ATP10B: variants seen among roughly 807,000 people sequenced by gnomAD.
ATP10B encodes the protein phospholipid-transporting ATPase VB.
Under a neutral mutation model 141.2 loss-of-function variants are expected in ATP10B, and 122 were observed. The ratio of observed to expected loss-of-function variants is 0.86; its 90% CI spans 0.75 to 1.00. The LOEUF (loss-of-function observed/expected upper bound fraction) is 1.00, where lower values mean the gene tolerates loss of function less well. ATP10B is among the 50% of genes least tolerant of loss of function. The probability of loss-of-function intolerance (pLI) is 0.00; values close to 1 mark genes in which losing one functional copy is unlikely to be tolerated. For synonymous variants in ATP10B, 685 were observed against 692.0 expected, an observed-to-expected ratio of 0.99 and a Z score of 0.16; for missense variants, 1,876 against 1,825.3, an observed-to-expected ratio of 1.03 and a Z score of -0.51.
At chr5:160,686,348 T>G in intron 5 of ATP10B, 75 bp from the exon 6 acceptor site, 1 of 1,175,966 alleles carries the variant, frequency 8.5e-7, no homozygotes, top group Admixed American at 3.1e-5. Flanking sequence ...TCTTCCCTAC[T>G]GTTTGGCCTT....
chr5:160,826,261 T>C (rs1396126663), intron 1 of ATP10B, among the ~76,000 whole-genome samples: 1 of 152,168 alleles, frequency 6.6e-6, no homozygotes, highest in Admixed American at 6.5e-5. Context: ...TGAACTAATT[T>C]ACCTTCCCAC....
intron 2 of ATP10B, among the ~76,000 whole-genome samples, chr5:160,726,569 C>T (rs962509015): frequency 6.8e-6 from 1 of 147,078 alleles, no homozygotes; most frequent in Non-Finnish European, 1.5e-5. Flanking sequence ...TTTCCTTATT[C>T]ACAGCACACT....
Position 160,814,925 on chromosome 5 carries a change from AAG to A in ATP10B, c.-575-29124_-575-29123del, listed in dbSNP as rs1262708569. 1.6e-4 allele frequency among the ~76,000 whole-genome samples: 24 copies of A among 152,218 alleles called. 1 individual carries two copies. The highest frequency in any genetic ancestry group is 3.1e-4 in the Non-Finnish European group (21 of 68,038). The stretch of plus-strand genomic sequence containing the variant: ...AGGAGAAATAAAATCCTTTACAGAG[AAG>A]CAAATGCTGAGAGATTTTGTCACCG... On this transcript the variant is annotated intron_variant, in intron 1 of 25. Coordinates refer to ENST00000327245, the MANE Select transcript of ATP10B (RefSeq NM_025153.3).
At chr5:160,715,390 G>T (rs1013250109) in intron 3 of ATP10B, among the ~76,000 whole-genome samples, 1 of 142,602 alleles carries the variant, frequency 7.0e-6, no homozygotes, top group African/African-American at 2.6e-5. Context: ...AGGTGCGTCC[G>T]TCACCCCTTT....
the ATP10B span, among the ~76,000 whole-genome samples, chr5:160,911,634 G>A: frequency 3.0e-4 from 46 of 152,274 alleles, no homozygotes; most frequent in Non-Finnish European, 5.3e-4. Flanking sequence ...GATAGCCTGT[G>A]AAATTAAATA....
At chr5:160,892,663 T>A in the ATP10B span, among the ~76,000 whole-genome samples, 1 of 152,176 alleles carries the variant, frequency 6.6e-6, no homozygotes, top group Non-Finnish European at 1.5e-5. Flanking sequence ...TTGTCTTCCA[T>A]CCCTGGTATC....
At chr5:160,877,129 T>C in the ATP10B span, among the ~76,000 whole-genome samples, 1 of 151,972 alleles carries the variant, frequency 6.6e-6, no homozygotes, top group Admixed American at 6.6e-5. Context: ...GATGCAAAAA[T>C]CCTCAATAAA....
rs2127591468 is a variant in ATP10B at position 160,565,822 on chromosome 5, T to C, written c.4017A>G (p.Pro1339=). Residue 1339 remains proline, a synonymous_variant, in exon 26 of 26, where the codon CCA becomes CCG. Coordinates refer to ENST00000327245, the MANE Select transcript of ATP10B (RefSeq NM_025153.3). ...TCTGGATTTCCAGGTTTCTTTTGTC[T>C]GGGGGGAGTTTGTCAATTTTCTGAG... The part of the protein sequence containing the change: ...SKAQKIDKLP[P]DKRNLEIQSW... The C allele has an allele frequency of 6.2e-7, 1 of 1,614,036 alleles. No individual in the cohort carries two copies. The highest frequency in any genetic ancestry group is 8.5e-7 in the Non-Finnish European group (1 of 1,179,952).
chr5:160,735,059 A>G (rs911884190), intron 2 of ATP10B, among the ~76,000 whole-genome samples: 2 of 151,764 alleles, frequency 1.3e-5, no homozygotes. Context: ...TCTTTACTAA[A>G]GGAAGACAGG....
intron 12 of ATP10B, chr5:160,633,841 G>A (rs1391261572): frequency 3.7e-6 from 1 of 273,156 alleles, no homozygotes; most frequent in Admixed American, 5.0e-5. Context: ...CAAGGTAACA[G>A]TCCAGGCATT....
At chr5:160,762,857 AG>A (rs1443630296) in intron 2 of ATP10B, among the ~76,000 whole-genome samples, 1 of 152,314 alleles carries the variant, frequency 6.6e-6, no homozygotes, top group African/African-American at 2.4e-5. Flanking sequence ...CTTAAGATAA[AG>A]GGATGGAAAA....
chr5:160,658,301 C>T (rs117952451), intron 7 of ATP10B, among the ~76,000 whole-genome samples: 2,027 of 152,242 alleles, frequency 0.013, 29 homozygotes, highest in African/African-American at 0.025. Flanking sequence ...TGTGGGACAC[C>T]GGTCAGAGTG....
At position 160,757,627 on chromosome 5, in the gene ATP10B, C is replaced by T. The variant is rs184884482; in HGVS notation, c.-331+27932G>A. 1.2e-4 allele frequency among the ~76,000 whole-genome samples: 19 copies of T among 152,060 alleles called. No homozygotes were observed. The East Asian group carries it at 3.7e-3, about 29-fold the overall frequency. On this transcript the variant is annotated intron_variant, in intron 2 of 25. Transcript: ENST00000327245. ...GGGTAGTTCACTTAGTCTTCTGAGCCTTTTTTTAAAATGGAATTTTAAACA... is the reference window on the plus strand; with the variant it reads ...GGGTAGTTCACTTAGTCTTCTGAGCTTTTTTTTAAAATGGAATTTTAAACA...
chr5:160,572,535 G>C (rs1754939210), intron 24 of ATP10B, among the ~76,000 whole-genome samples: 1 of 152,132 alleles, frequency 6.6e-6, no homozygotes, highest in Non-Finnish European at 1.5e-5. Flanking sequence ...TGCTAAAAGA[G>C]TACTTTTTCT....
chr5:160,733,440 T>A (rs1311235618), intron 2 of ATP10B, among the ~76,000 whole-genome samples: 3 of 151,890 alleles, frequency 2.0e-5, no homozygotes, highest in Non-Finnish European at 4.4e-5. Context: ...AGATACAAAT[T>A]ACAGATTCAA....
chr5:160,640,423 G>T (rs1374698835), intron 10 of ATP10B, 38 bp downstream of exon 10: 1 of 1,594,770 alleles, frequency 6.3e-7, no homozygotes, highest in Admixed American at 1.7e-5. Context: ...CAAATAAATC[G>T]ATTACTGTGT....
chr5:160,811,453 T>C (rs990880128), intron 1 of ATP10B, among the ~76,000 whole-genome samples: 1 of 151,992 alleles, frequency 6.6e-6, no homozygotes, highest in African/African-American at 2.4e-5. Context: ...GCCCAGTACT[T>C]GGAAGGGTGA....
At chr5:160,862,910 G>A in the ATP10B span, among the ~76,000 whole-genome samples, 892 of 151,978 alleles carry the variant, frequency 5.9e-3, 11 homozygotes, top group African/African-American at 0.02. Context: ...AGCCAAAAAT[G>A]TATCAAATAT....
chr5:160,636,509 C>T (rs1035746064), intron 10 of ATP10B, among the ~76,000 whole-genome samples, 200 bp from the exon 11 acceptor site: 1 of 152,132 alleles, frequency 6.6e-6, no homozygotes, highest in Non-Finnish European at 1.5e-5. Flanking sequence ...TCTTCGTATA[C>T]ATTTCAATCC....
Sources: gnomAD v4.1 joint callset for allele counts (sites outside exome capture counted in the v4.1 genomes callset) on GRCh38, gnomAD v4.1.1 for gene constraint, MANE v1.5 for transcripts, NCBI Gene and HGNC (gene_info 2026-07-23, HGNC 2026-07-21) for gene names.